The following SIGLEC15 variants were observed in gnomAD, a reference collection of about 807,000 sequenced individuals.
The protein encoded by SIGLEC15 is sialic acid-binding Ig-like lectin 15.
A neutral mutation model predicts 26.2 loss-of-function variants in SIGLEC15; 31 were observed. That is an observed-to-expected ratio of 1.18 (90% CI 0.89 to 1.60). SIGLEC15 has a LOEUF of 1.60. SIGLEC15 is among the 40% of genes most tolerant of loss of function. The probability of loss-of-function intolerance (pLI) is 0.00; values close to 1 mark genes in which losing one functional copy is unlikely to be tolerated. For missense variants in SIGLEC15, 501 were observed against 488.4 expected (o/e 1.03, Z -0.24); for synonymous variants, 207 against 221.9 (o/e 0.93, Z 0.60).
At chr18:45,829,310 T>A (rs1377337405) in intron 1 of SIGLEC15, 1 of 242,246 alleles carries the variant, frequency 4.1e-6, no homozygotes, top group Non-Finnish European at 6.7e-6. Flanking sequence ...CCTCACCCCT[T>A]CCCGGGAACC....
In SIGLEC15 at chr18:45,840,116, C is replaced by T. The variant is rs919472555; in HGVS notation, c.875-95C>T. ...TTTGCTTCAAAAACAGTGGTTTCCT[C>T]GAGACCCCTTCCACATGGCATGGGT... is the stretch of plus-strand genomic sequence containing the variant. On this transcript the variant is annotated intron_variant, in intron 4 of 5. Transcript: ENST00000389474. 144 of 1,422,324 alleles carry T rather than the reference C, an allele frequency of 1.0e-4. 1 individual carries two copies. In the East Asian group the frequency reaches 2.8e-3, roughly 28 times the overall value. 88.1% of individuals were successfully genotyped at this position (1,422,324 alleles called of 1,614,324 possible).
rs2048345686 is a variant in SIGLEC15, at chr18:45,843,927, G to C, written c.*1740G>C. On this transcript the variant is annotated 3_prime_UTR_variant, in exon 6 of 6. Transcript: ENST00000389474. ...CATATGATCCAGTAATCCCACTGCTGGGTATCTGTCAGCAAGGAAATCAGT... is the reference window on the plus strand; with the variant it reads ...CATATGATCCAGTAATCCCACTGCTCGGTATCTGTCAGCAAGGAAATCAGT... 1 of 152,146 alleles carries C rather than the reference G, an allele frequency of 6.6e-6. No homozygotes were observed. The highest frequency in any genetic ancestry group is 1.5e-5 in the Non-Finnish European group (1 of 68,040). The allele number at this position is 152,146 out of a possible 1,614,324, so 9.4% of individuals were successfully genotyped here.
intron 2 of SIGLEC15, 130 bp downstream of exon 2, chr18:45,837,218 G>C: frequency 7.1e-7 from 1 of 1,415,170 alleles, no homozygotes; most frequent in Non-Finnish European, 9.3e-7. Flanking sequence ...GGGTCAAGGG[G>C]CCTGCAGGTG....
At chr18:45,834,496 G>T (rs999933173) in intron 1 of SIGLEC15, among the ~76,000 whole-genome samples, 2 of 152,228 alleles carry the variant, frequency 1.3e-5, no homozygotes, top group African/African-American at 4.8e-5. Flanking sequence ...CTGTAGGAAA[G>T]ACTCAGTGGA....
chr18:45,835,249 A>G (rs1284214529), intron 1 of SIGLEC15, among the ~76,000 whole-genome samples: 2 of 152,224 alleles, frequency 1.3e-5, no homozygotes, highest in African/African-American at 4.8e-5. Context: ...AAGAGACCCC[A>G]TGGCCGGCAA....
In SIGLEC15 at chr18:45,837,867, G is replaced by A. The variant is rs955400660; in HGVS notation, c.467G>A (p.Ser156Asn). The A allele has an allele frequency of 4.6e-6, 7 of 1,532,528 alleles. No individual in the cohort carries two copies. The highest frequency in any genetic ancestry group is 6.1e-6 in the Non-Finnish European group (7 of 1,150,816). The allele number at this position is 1,532,528 out of a possible 1,614,324, so 94.9% of individuals were successfully genotyped here. ...FAGDVHDRYESRHGVRLHVTA... is the reference protein window; with the variant it reads ...FAGDVHDRYENRHGVRLHVTA... ...GGCGACGTCCATGACCGCTACGAGA[G>A]CCGCCACGGCGTCCGGCTGCACGTG... The change falls in exon 3 of 6, where the codon AGC (serine) becomes AAC (asparagine). Residue 156 changes from serine to asparagine, a missense_variant. By Grantham distance (46) the Ser-to-Asn change is conservative. Coordinates refer to ENST00000389474, the MANE Select transcript of SIGLEC15 (RefSeq NM_213602.3).
At chr18:45,826,140 G>C (rs531525185) in intron 1 of SIGLEC15, among the ~76,000 whole-genome samples, 1 of 152,226 alleles carries the variant, frequency 6.6e-6, no homozygotes, top group Admixed American at 6.5e-5. Context: ...CCCAAGTGCC[G>C]TGTGTTTTGA....
intron 1 of SIGLEC15, among the ~76,000 whole-genome samples, chr18:45,833,184 T>G (rs1000846482): frequency 4.1e-4 from 62 of 152,156 alleles, no homozygotes; most frequent in African/African-American, 1.4e-3. Flanking sequence ...GAGGCAAAAC[T>G]ACCCAGGGTT....
At chr18:45,831,240 C>G (rs1158179645) in intron 1 of SIGLEC15, among the ~76,000 whole-genome samples, 1 of 152,218 alleles carries the variant, frequency 6.6e-6, no homozygotes, top group Non-Finnish European at 1.5e-5. Flanking sequence ...TGTGATGGCT[C>G]AAAGCCTTCT....
intron 1 of SIGLEC15, among the ~76,000 whole-genome samples, chr18:45,827,889 T>C (rs1478767788): frequency 6.6e-6 from 1 of 152,138 alleles, no homozygotes; most frequent in African/African-American, 2.4e-5. Context: ...GAGTCACATG[T>C]TCAAAAACAA....
intron 4 of SIGLEC15, among the ~76,000 whole-genome samples, chr18:45,839,527 C>T (rs1247313449): frequency 6.6e-6 from 1 of 152,120 alleles, no homozygotes; most frequent in Non-Finnish European, 1.5e-5. Flanking sequence ...CCCTGCAGTG[C>T]GTGCTGAGCG....
intron 3 of SIGLEC15, 107 bp from the exon 4 acceptor site, chr18:45,838,611 A>G: frequency 7.2e-7 from 1 of 1,382,216 alleles, no homozygotes; most frequent in Non-Finnish European, 9.4e-7. Flanking sequence ...CTGGCACCCA[A>G]GTGCCCATTC....
At chr18:45,826,649 C>T (rs1304577604) in intron 1 of SIGLEC15, among the ~76,000 whole-genome samples, 4 of 152,110 alleles carry the variant, frequency 2.6e-5, no homozygotes, top group African/African-American at 4.8e-5. Flanking sequence ...ACTGTATGCT[C>T]GGCCATCACA....
Position 45,837,695 on chromosome 18 carries a change from C to A in SIGLEC15, c.295C>A (p.Arg99=), listed in dbSNP as rs764586239. ...GPQVFRCAAA[R]GSELCQTALS... ...GCAGGTGTTCCGCTGCGCTGCGGCG[C>A]GGGGCAGCGAGCTCTGCCAGACGGC... is the stretch of plus-strand genomic sequence containing the variant. Residue 99 remains arginine (R), a synonymous_variant, in exon 3 of 6, where the codon CGG becomes AGG. Transcript: ENST00000389474. 35 of 1,476,492 alleles carry A rather than the reference C, an allele frequency of 2.4e-5. 1 individual carries two copies. In the South Asian group the frequency reaches 4.3e-4, roughly 18 times the overall value. The allele number at this position is 1,476,492 out of a possible 1,614,324, so 91.5% of individuals were successfully genotyped here. A position where few individuals can be genotyped will look rare whatever the true frequency, so the allele number is the denominator to read the frequency against.
chr18:45,841,628 GCA>G (rs2048325570), intron 5 of SIGLEC15, among the ~76,000 whole-genome samples: 1 of 152,214 alleles, frequency 6.6e-6, no homozygotes. Context: ...CCAGTGGGCA[GCA>G]CACAGTGTGA....
chr18:45,838,788 C>G lies in SIGLEC15; in HGVS notation c.567C>G (p.Ala189=), dbSNP rs111999135. 4 of 1,564,112 alleles carry G rather than the reference C, an allele frequency of 2.6e-6. No individual in the cohort carries two copies. Among genetic ancestry groups the G allele is most frequent in the Non-Finnish European group, 3.4e-6 (4 of 1,162,360 alleles). ...ACGCCTTCCGCGCGCTCTGCACTGC[C>G]GAAGGGGAGCCGCCGCCCGCCCTCG... The part of the protein sequence containing the change: ...PAHAFRALCT[A]EGEPPPALAW... The change falls in exon 4 of 6, where the codon GCC becomes GCG. Residue 189 remains alanine, a synonymous_variant. Transcript: ENST00000389474.
chr18:45,834,680 T>C (rs1336347290), intron 1 of SIGLEC15, among the ~76,000 whole-genome samples: 1 of 152,240 alleles, frequency 6.6e-6, no homozygotes, highest in Non-Finnish European at 1.5e-5. Flanking sequence ...TGATAAGATA[T>C]CCTGTCCACC....
chr18:45,827,357 C>G (rs1414506065), intron 1 of SIGLEC15, among the ~76,000 whole-genome samples: 3 of 152,186 alleles, frequency 2.0e-5, no homozygotes, highest in Non-Finnish European at 4.4e-5. Flanking sequence ...CCCCACTACC[C>G]CACCCCACAC....
At position 45,839,058 on chromosome 18, in the gene SIGLEC15, C is replaced by T. The variant is rs750227239; in HGVS notation, c.837C>T (p.Leu279=). 1.8e-4 allele frequency: 275 copies of T among 1,509,142 alleles called. No individual in the cohort carries two copies. The highest frequency in any genetic ancestry group is 2.2e-4 in the Non-Finnish European group (252 of 1,139,216). The allele number at this position is 1,509,142 out of a possible 1,614,324, so 93.5% of individuals were successfully genotyped here. Residue 279 remains leucine (L), a synonymous_variant, in exon 4 of 6, where the codon CTC becomes CTT. Transcript: ENST00000389474. ...GALGFKALLL[L]GVLAARAARR... is the part of the protein sequence containing the mutation. Reference sequence around the variant, plus strand: ...TCGGCTTCAAGGCGCTGCTGCTGCTCGGGGTCCTGGCCGCCCGCGCTGCCC... The same window carrying T: ...TCGGCTTCAAGGCGCTGCTGCTGCTTGGGGTCCTGGCCGCCCGCGCTGCCC...
Sources: allele counts gnomAD v4.1 joint callset (sites outside exome capture counted in the v4.1 genomes callset), GRCh38; gene constraint gnomAD v4.1.1; transcripts MANE v1.5; gene names NCBI Gene and HGNC (gene_info 2026-07-23, HGNC 2026-07-21).